The following KLF12 variants were observed in gnomAD, a reference collection of about 807,000 sequenced individuals.
The protein encoded by KLF12 is Krueppel-like factor 12.
A neutral mutation model predicts 37.8 loss-of-function variants in KLF12; 9 were observed. That is an observed-to-expected ratio of 0.24 (90% CI 0.14 to 0.42). The LOEUF is 0.42. KLF12 is among the 10% of genes least tolerant of loss of function. KLF12 has a pLI of 1.00. For missense variants in KLF12, 411 were observed against 516.0 expected (o/e 0.80, Z 1.97); for synonymous variants, 208 against 202.1 (o/e 1.03, Z -0.25).
At chr13:73,744,136 G>T (rs1159072520) in intron 6 of KLF12, among the ~76,000 whole-genome samples, 1 of 152,186 alleles carries the variant, frequency 6.6e-6, no homozygotes, top group African/African-American at 2.4e-5. Context: ...CCGCTGTTAA[G>T]TCTGCTTTCA....
intron 1 of KLF12, among the ~76,000 whole-genome samples, chr13:74,040,596 C>G (rs1183706199): frequency 6.6e-6 from 1 of 152,216 alleles, no homozygotes; most frequent in African/African-American, 2.4e-5. Context: ...CAACTTGAGA[C>G]TGACTAAAAG....
intron 3 of KLF12, among the ~76,000 whole-genome samples, chr13:73,907,541 CTTAA>C (rs1182359998): frequency 1.3e-5 from 2 of 152,168 alleles, no homozygotes; most frequent in African/African-American, 2.4e-5. Flanking sequence ...CAAAATGATA[CTTAA>C]TTAAGAAATT....
intron 1 of KLF12, among the ~76,000 whole-genome samples, chr13:74,019,123 C>A (rs1892775596): frequency 1.3e-5 from 2 of 152,058 alleles, no homozygotes; most frequent in African/African-American, 4.8e-5. Context: ...ACAATTGAGG[C>A]AAACTAAGTC....
chr13:74,101,156 C>T (rs1200686846), intron 1 of KLF12, among the ~76,000 whole-genome samples: 2 of 152,192 alleles, frequency 1.3e-5, no homozygotes, highest in Non-Finnish European at 2.9e-5. Flanking sequence ...CTGCAAGCCA[C>T]GAGGAGCTCT....
chr13:74,124,522 C>T (rs1053930649), intron 1 of KLF12, among the ~76,000 whole-genome samples: 2 of 152,140 alleles, frequency 1.3e-5, no homozygotes, highest in African/African-American at 4.8e-5. Context: ...AAATACTACA[C>T]ATTTTTTCAA....
At chr13:74,255,928 G>A in the KLF12 span, among the ~76,000 whole-genome samples, 4,398 of 152,214 alleles carry the variant, frequency 0.029, 88 homozygotes, top group Non-Finnish European at 0.038. Flanking sequence ...GGCTGAGGTG[G>A]GTGGATCACG....
At chr13:74,149,601 T>C in the KLF12 span, among the ~76,000 whole-genome samples, 1 of 152,192 alleles carries the variant, frequency 6.6e-6, no homozygotes, top group African/African-American at 2.4e-5. Flanking sequence ...GACTCCGTGC[T>C]TCCATCTTTC....
At chr13:73,822,680 A>G (rs369997535) in intron 4 of KLF12, among the ~76,000 whole-genome samples, 2 of 152,248 alleles carry the variant, frequency 1.3e-5, no homozygotes, top group East Asian at 3.8e-4. Context: ...TCTTGTTTAT[A>G]AAAAGAAAAT....
At chr13:74,131,663 T>C (rs1382420421) in intron 1 of KLF12, among the ~76,000 whole-genome samples, 6 of 150,576 alleles carry the variant, frequency 4.0e-5, no homozygotes, top group Admixed American at 4.0e-4. Context: ...AAGTAGTAGA[T>C]AAATAACTGA....
chr13:73,848,093 T>C (rs1433882884), intron 3 of KLF12, among the ~76,000 whole-genome samples: 2 of 152,188 alleles, frequency 1.3e-5, no homozygotes, highest in Admixed American at 6.5e-5. Context: ...ACTTTAAATA[T>C]AGTCTAGGTA....
intron 3 of KLF12, among the ~76,000 whole-genome samples, chr13:73,917,419 A>G (rs578151213): frequency 6.6e-6 from 1 of 152,300 alleles, no homozygotes; most frequent in East Asian, 1.9e-4. Flanking sequence ...TAATCACCCT[A>G]TGCTTAGAAA....
the KLF12 span, chr13:74,257,247 T>G: frequency 6.6e-6 from 1 of 152,262 alleles, no homozygotes; most frequent in Non-Finnish European, 1.5e-5. Flanking sequence ...TAGAAGAGAC[T>G]GGTGCTGCCT....
At chr13:73,959,765 G>T (rs1408168035) in intron 2 of KLF12, among the ~76,000 whole-genome samples, 1 of 151,968 alleles carries the variant, frequency 6.6e-6, no homozygotes, top group African/African-American at 2.4e-5. Flanking sequence ...CACATTATCA[G>T]GTAAATGCTG....
At chr13:73,926,744 G>C (rs188445664) in intron 3 of KLF12, among the ~76,000 whole-genome samples, 2 of 151,730 alleles carry the variant, frequency 1.3e-5, no homozygotes, top group East Asian at 3.9e-4. Flanking sequence ...TAAATGGTTC[G>C]GTTTTAAGCA....
At chr13:74,217,878 T>C in the KLF12 span, among the ~76,000 whole-genome samples, 2 of 152,240 alleles carry the variant, frequency 1.3e-5, no homozygotes, top group Non-Finnish European at 1.5e-5. Flanking sequence ...GAATTTTACA[T>C]AGTACATCAC....
At chr13:74,012,165 G>A (rs1192179806) in intron 1 of KLF12, among the ~76,000 whole-genome samples, 1 of 152,180 alleles carries the variant, frequency 6.6e-6, no homozygotes, top group Admixed American at 6.5e-5. Context: ...AGCTATAATT[G>A]TGCAGAATGT....
chr13:74,101,783 T>A (rs1412250267), intron 1 of KLF12, among the ~76,000 whole-genome samples: 1 of 152,032 alleles, frequency 6.6e-6, no homozygotes, highest in African/African-American at 2.4e-5. Context: ...ACATAATATA[T>A]GAAAAACATC....
Position 73,925,531 on chromosome 13 carries a change from C to A in KLF12, c.123+18450G>T, listed in dbSNP as rs144980793. Among the ~76,000 whole-genome samples, 689 of 152,158 alleles carry A rather than the reference C, an allele frequency of 4.5e-3. 2 individuals are homozygous for A. The highest frequency in any genetic ancestry group is 0.015 in the African/African-American group (625 of 41,510). On this transcript the variant is annotated intron_variant, in intron 3 of 7. Coordinates refer to ENST00000377669, the MANE Select transcript of KLF12 (RefSeq NM_007249.5). ...TTACTTTGACAATGTACCTAGTCAC[C>A]CAAAAGCACTAACAGAGGTGTACAA... is the stretch of plus-strand genomic sequence containing the variant.
Position 73,876,983 on chromosome 13 carries a change from C to CTA in KLF12, c.124-30612_124-30611dup, listed in dbSNP as rs1406032565. Reference sequence around the variant, plus strand: ...TGAGCAGAGACCGTGCCACTGCACTCTAGCCTGGGTGAGAGTGAGACTCCG... The same window carrying CTA: ...TGAGCAGAGACCGTGCCACTGCACTCTATAGCCTGGGTGAGAGTGAGACTCCG... On this transcript the variant is annotated intron_variant, in intron 3 of 7. Transcript: ENST00000377669. Among the ~76,000 whole-genome samples, 4 of 150,342 alleles carry CTA rather than the reference C, an allele frequency of 2.7e-5. No individual in the cohort carries two copies. The Admixed American group carries it at 2.7e-4, about 10-fold the overall frequency.
Sources: gnomAD v4.1 joint callset for allele counts (sites outside exome capture counted in the v4.1 genomes callset) on GRCh38, gnomAD v4.1.1 for gene constraint, MANE v1.5 for transcripts, NCBI Gene and HGNC (gene_info 2026-07-23, HGNC 2026-07-21) for gene names.